Variants in LARP1B observed in about 807,000 individuals in gnomAD.
LARP1B encodes la-related protein 1B.
In LARP1B, 76 loss-of-function variants were observed where a neutral mutation model predicts 114.2. The observed-to-expected ratio is 0.67, with a 90% CI of 0.55 to 0.81. The LOEUF is 0.81. Ranked by LOEUF, LARP1B falls within the 30% of genes least tolerant of loss-of-function variation. The pLI, the probability that LARP1B is intolerant of heterozygous loss-of-function variation, is 0.00. For synonymous variants in LARP1B, 345 were observed against 348.0 expected, an observed-to-expected ratio of 0.99 and a Z score of 0.10; for missense variants, 1,014 against 1,075.8, an observed-to-expected ratio of 0.94 and a Z score of 0.80.
At chr4:128,118,217 T>G (rs1786627227) in intron 10 of LARP1B, among the ~76,000 whole-genome samples, 1 of 145,570 alleles carries the variant, frequency 6.9e-6, no homozygotes, top group Admixed American at 7.2e-5. Context: ...TGAGCCACCT[T>G]GCCCAGTCAG....
intron 11 of LARP1B, among the ~76,000 whole-genome samples, chr4:128,156,815 A>G (rs1735882975): frequency 6.7e-6 from 1 of 149,508 alleles, no homozygotes; most frequent in South Asian, 2.2e-4. Flanking sequence ...TTTCCTAAAG[A>G]GAGTATTTTT....
At chr4:128,201,969 T>C (rs576566594) in intron 17 of LARP1B, among the ~76,000 whole-genome samples, 1 of 152,340 alleles carries the variant, frequency 6.6e-6, no homozygotes, top group East Asian at 1.9e-4. Flanking sequence ...TTGAGAAGAA[T>C]ACAAGGTGTG....
At chr4:128,121,347 C>T (rs931963737) in intron 10 of LARP1B, among the ~76,000 whole-genome samples, 3 of 152,136 alleles carry the variant, frequency 2.0e-5, no homozygotes, top group Non-Finnish European at 4.4e-5. Flanking sequence ...GACAGAGTTT[C>T]GCTCTTGTCG....
At chr4:128,164,360 A>G (rs1739796981) in intron 12 of LARP1B, among the ~76,000 whole-genome samples, 1 of 152,114 alleles carries the variant, frequency 6.6e-6, no homozygotes, top group Admixed American at 6.6e-5. Flanking sequence ...TTAAATTTGA[A>G]TACTTTAAAA....
chr4:128,155,676 T>C lies in LARP1B; in HGVS notation c.1525-6518T>C, dbSNP rs563074482. 4.4e-6 allele frequency: 7 copies of C among 1,602,376 alleles called. No homozygotes were observed. The African/African-American group carries it at 6.7e-5, about 15-fold the overall frequency. On this transcript the variant is annotated intron_variant, in intron 11 of 19. Transcript: ENST00000326639. Reference sequence around the variant, plus strand: ...CGCCTCCAGTGGTGTGTCCAAGGCCTTGTGAACAGATCAGCCCGGAGGAAG... The same window carrying C: ...CGCCTCCAGTGGTGTGTCCAAGGCCCTGTGAACAGATCAGCCCGGAGGAAG...
intron 12 of LARP1B, among the ~76,000 whole-genome samples, chr4:128,174,520 A>G (rs1219545395): frequency 2.6e-5 from 4 of 152,062 alleles, no homozygotes; most frequent in East Asian, 3.8e-4. Context: ...CAAAATTAAT[A>G]TATCTACTCT....
At chr4:128,169,851 G>A (rs949595827) in intron 12 of LARP1B, among the ~76,000 whole-genome samples, 5 of 151,946 alleles carry the variant, frequency 3.3e-5, no homozygotes, top group South Asian at 4.2e-4. Context: ...TGGCCAGGCC[G>A]GTCTCAAACT....
At chr4:128,065,343 T>TC (rs1223375994) in intron 1 of LARP1B, among the ~76,000 whole-genome samples, 14 of 132,198 alleles carry the variant, frequency 1.1e-4, no homozygotes, top group African/African-American at 4.2e-4. Context: ...TTCCTTTCTT[T>TC]TCTTTTCTTT....
chr4:128,108,738 A>G (rs1288739921), intron 9 of LARP1B: 2 of 985,210 alleles, frequency 2.0e-6, no homozygotes, highest in African/African-American at 3.5e-5. Flanking sequence ...GTCCAAGATG[A>G]TAGTTTTAGC....
intron 11 of LARP1B, among the ~76,000 whole-genome samples, chr4:128,151,309 A>C (rs1411525038): frequency 6.6e-6 from 1 of 152,206 alleles, no homozygotes; most frequent in Non-Finnish European, 1.5e-5. Context: ...AAAACACAAG[A>C]AGTTTAACAT....
intron 5 of LARP1B, among the ~76,000 whole-genome samples, chr4:128,084,184 C>T (rs1772263231): frequency 6.6e-6 from 1 of 152,036 alleles, no homozygotes; most frequent in Non-Finnish European, 1.5e-5. Flanking sequence ...AGACAATGGG[C>T]GGCCAGGCAG....
rs144971128 is a variant in LARP1B at position 128,093,545 on chromosome 4, G to A, written c.668+2033G>A. Reference sequence around the variant, plus strand: ...TGGGAGGCAGAGCGTGCAGTGAGCCGAGATAGTGCCACTGCAGTCCGGCCT... The same window carrying A: ...TGGGAGGCAGAGCGTGCAGTGAGCCAAGATAGTGCCACTGCAGTCCGGCCT... On this transcript the variant is annotated intron_variant, in intron 7 of 19. Coordinates refer to ENST00000326639, the MANE Select transcript of LARP1B (RefSeq NM_018078.4). 1.2e-3 allele frequency among the ~76,000 whole-genome samples: 181 copies of A among 151,884 alleles called. 4 individuals carry two copies. The highest frequency in any genetic ancestry group is 4.0e-3 in the Admixed American group (61 of 15,254).
Position 128,140,824 on chromosome 4 carries a change from G to GTTGTTTTTTTTTTT in LARP1B, c.1524+18638_1524+18639insGTTTTTTTTTTTTT, listed in dbSNP as rs55639320. The stretch of plus-strand genomic sequence containing the variant: ...AAGTCAAGGTAGGTTAATTGTCTCT[G>GTTGTTTTTTTTTTT]TTTTTTTTTTTGGCAGAGTCTTGCT... On this transcript the variant is annotated intron_variant, in intron 11 of 19. Coordinates refer to ENST00000326639, the MANE Select transcript of LARP1B (RefSeq NM_018078.4). Among the ~76,000 whole-genome samples the GTTGTTTTTTTTTTT allele has an allele frequency of 9.4e-5, 13 of 138,618 alleles. 1 individual carries two copies. The highest frequency in any genetic ancestry group is 1.5e-4 in the Admixed American group (2 of 13,320). The allele number at this position is 138,618 out of a possible 152,430, so 90.9% of individuals were successfully genotyped here. A position where few individuals can be genotyped will look rare whatever the true frequency, so the allele number is the denominator to read the frequency against.
intron 11 of LARP1B, among the ~76,000 whole-genome samples, chr4:128,151,678 C>T (rs976668930): frequency 6.6e-6 from 1 of 152,042 alleles, no homozygotes; most frequent in Non-Finnish European, 1.5e-5. Context: ...TCTCGGCTCA[C>T]TGCAGGCTCT....
At chr4:128,110,671 C>A (rs62334587) in intron 9 of LARP1B, among the ~76,000 whole-genome samples, 1 of 808 alleles carries the variant, frequency 1.2e-3, no homozygotes, top group Non-Finnish European at 2.5e-3. Context: ...AGCGAGACTC[C>A]GTCTCAAAAA....
At chr4:128,212,411 A>C (rs1759118088), downstream of LARP1B, among the ~76,000 whole-genome samples, 1 of 152,090 alleles carries the variant, frequency 6.6e-6, no homozygotes, top group Admixed American at 6.6e-5. Context: ...TGGGAGGCTG[A>C]GGCGGGTGGA....
At chr4:128,102,178 TGTAATAGTA>T (rs1780559325) in intron 8 of LARP1B, among the ~76,000 whole-genome samples, 1 of 152,176 alleles carries the variant, frequency 6.6e-6, no homozygotes, top group African/African-American at 2.4e-5. Context: ...ACCTACCATT[TGTAATAGTA>T]GGAAAGGTGT....
At chr4:128,175,711 A>G (rs1012264880) in intron 12 of LARP1B, among the ~76,000 whole-genome samples, 1 of 152,268 alleles carries the variant, frequency 6.6e-6, no homozygotes, top group Admixed American at 6.5e-5. Flanking sequence ...GAGCTTATTT[A>G]TTCAATGTGT....
At chr4:128,154,171 T>G (rs528704825) in intron 11 of LARP1B, among the ~76,000 whole-genome samples, 14 of 152,294 alleles carry the variant, frequency 9.2e-5, no homozygotes, top group African/African-American at 3.4e-4. Flanking sequence ...AGGCAAGGCT[T>G]TGTATAAGAC....
Sources: gnomAD v4.1 joint callset for allele counts (sites outside exome capture counted in the v4.1 genomes callset) on GRCh38, gnomAD v4.1.1 for gene constraint, MANE v1.5 for transcripts, NCBI Gene and HGNC (gene_info 2026-07-23, HGNC 2026-07-21) for gene names.